Variants in ROBO2 observed in about 807,000 individuals in gnomAD.
ROBO2 encodes the protein roundabout guidance receptor 2.
In ROBO2, 53 loss-of-function variants were observed where a neutral mutation model predicts 160.8. That is an observed-to-expected ratio of 0.33 (90% CI 0.26 to 0.41). The LOEUF is 0.41. ROBO2 is among the 10% of genes least tolerant of loss of function. ROBO2 has a pLI of 1.00. For synonymous variants in ROBO2, 664 were observed against 611.7 expected (o/e 1.09, Z -1.26); for missense variants, 1,577 against 1,722.4 (o/e 0.92, Z 1.49).
intron 2 of ROBO2, among the ~76,000 whole-genome samples, chr3:77,311,958 T>C (rs2063578320): frequency 6.6e-6 from 1 of 152,020 alleles, no homozygotes; most frequent in Non-Finnish European, 1.5e-5. Flanking sequence ...TGACGGTGCA[T>C]ACCTGTAATC....
intron 2 of ROBO2, among the ~76,000 whole-genome samples, chr3:76,703,382 A>G (rs1180457005): frequency 6.6e-6 from 1 of 152,086 alleles, no homozygotes; most frequent in Non-Finnish European, 1.5e-5. Context: ...TTTGTTTAAT[A>G]TGCTTTAAAT....
At chr3:77,380,283 C>G (rs1436908627) in intron 2 of ROBO2, among the ~76,000 whole-genome samples, 1 of 152,188 alleles carries the variant, frequency 6.6e-6, no homozygotes, top group Non-Finnish European at 1.5e-5. Context: ...TAGCATGTCT[C>G]ATCTGTTCCT....
intron 2 of ROBO2, among the ~76,000 whole-genome samples, chr3:76,767,751 C>A (rs2061653690): frequency 6.6e-6 from 1 of 151,290 alleles, no homozygotes; most frequent in South Asian, 2.1e-4. Context: ...ATAGTGAGTA[C>A]AGGAGAAACA....
At position 76,934,326 on chromosome 3, in the gene ROBO2, T is replaced by C. The variant is rs74593814; in HGVS notation, c.110-163688T>C. Among the ~76,000 whole-genome samples, 1,303 of 152,296 alleles carry C rather than the reference T, an allele frequency of 8.6e-3. 26 individuals carry two copies. The highest frequency in any genetic ancestry group is 0.078 in the East Asian group (404 of 5,184). ...CGTGATGATTCTCCCTTACTGTTTA[T>C]GAAATGTTGGAATATCATAGTTTAC... On this transcript the variant is annotated intron_variant, in intron 2 of 26. Transcript: ENST00000487694.
intron 2 of ROBO2, among the ~76,000 whole-genome samples, chr3:77,200,267 T>TTTTATA (rs1560218166): frequency 4.3e-5 from 2 of 46,588 alleles, no homozygotes; most frequent in Non-Finnish European, 1.1e-4. Flanking sequence ...CTAACATATT[T>TTTTATA]TATATATATA....
At chr3:76,369,306 T>C (rs865976902) in intron 2 of ROBO2, among the ~76,000 whole-genome samples, 1 of 151,974 alleles carries the variant, frequency 6.6e-6, no homozygotes, top group Non-Finnish European at 1.5e-5. Context: ...CACAATCTCC[T>C]GGTTCCCCGG....
At position 76,879,696 on chromosome 3, in the gene ROBO2, TC is replaced by T. The variant is rs1486711950; in HGVS notation, c.110-218317del. Among the ~76,000 whole-genome samples the T allele has an allele frequency of 6.6e-5, 10 of 152,186 alleles. No homozygotes were observed. In the South Asian group the frequency reaches 1.7e-3, roughly 25 times the overall value. On this transcript the variant is annotated intron_variant, in intron 2 of 26. Coordinates refer to the ROBO2 transcript ENST00000487694. The stretch of plus-strand genomic sequence containing the variant: ...GTATCCAGAGTCATTAAACTGATGA[TC>T]ATATGATAATAATAATGAAACTAAT...
intron 2 of ROBO2, among the ~76,000 whole-genome samples, chr3:76,129,286 T>C (rs971001285): frequency 2.0e-5 from 3 of 152,150 alleles, no homozygotes; most frequent in African/African-American, 7.2e-5. Context: ...GTGAATGAGA[T>C]GACGTGCACT....
intron 1 of ROBO2, among the ~76,000 whole-genome samples, chr3:77,085,417 C>T (rs778044303): frequency 3.9e-5 from 6 of 152,030 alleles, no homozygotes; most frequent in African/African-American, 7.2e-5. Flanking sequence ...TTTTATGTCA[C>T]AAATCTTATC....
intron 2 of ROBO2, among the ~76,000 whole-genome samples, chr3:76,038,020 A>G (rs902171550): frequency 2.0e-5 from 3 of 152,062 alleles, no homozygotes; most frequent in African/African-American, 7.3e-5. Context: ...TCTGAAGGGT[A>G]CTGGGAAGAT....
At chr3:76,540,175 G>A (rs1453090885) in intron 2 of ROBO2, among the ~76,000 whole-genome samples, 2 of 152,128 alleles carry the variant, frequency 1.3e-5, no homozygotes, top group African/African-American at 4.8e-5. Context: ...GACCTTAAAG[G>A]AGGAGAAGAA....
At chr3:76,937,391 C>A (rs2077776679) in intron 2 of ROBO2, among the ~76,000 whole-genome samples, 1 of 151,920 alleles carries the variant, frequency 6.6e-6, no homozygotes, top group Non-Finnish European at 1.5e-5. Flanking sequence ...GGAATAATAT[C>A]AAGATGTATC....
chr3:77,462,619 C>T (rs747856208), intron 2 of ROBO2, among the ~76,000 whole-genome samples: 2 of 152,152 alleles, frequency 1.3e-5, no homozygotes, highest in Admixed American at 6.6e-5. Flanking sequence ...TGAAAACACT[C>T]CGTCAATATA....
intron 2 of ROBO2, among the ~76,000 whole-genome samples, chr3:76,891,715 A>T (rs553013874): frequency 1.3e-5 from 2 of 152,322 alleles, no homozygotes; most frequent in Non-Finnish European, 2.9e-5. Context: ...AATGGTCTGG[A>T]TCTTCACGAA....
chr3:76,831,679 T>C (rs2067108735), intron 2 of ROBO2, among the ~76,000 whole-genome samples: 1 of 152,230 alleles, frequency 6.6e-6, no homozygotes. Flanking sequence ...TCTTCTCATA[T>C]TGTTTCCCTA....
intron 2 of ROBO2, among the ~76,000 whole-genome samples, chr3:76,884,551 C>T (rs1388090343): frequency 6.6e-6 from 1 of 152,080 alleles, no homozygotes. Context: ...GGCAAGCGTC[C>T]CCTAGGACTC....
chr3:77,206,133 C>T (rs983726095), intron 2 of ROBO2, among the ~76,000 whole-genome samples: 3 of 151,968 alleles, frequency 2.0e-5, no homozygotes, highest in African/African-American at 7.3e-5. Context: ...TAACATGGTG[C>T]TCTTCCTGCA....
At chr3:77,605,178 AGT>A (rs2153694489) in intron 20 of ROBO2, among the ~76,000 whole-genome samples, 1 of 149,356 alleles carries the variant, frequency 6.7e-6, no homozygotes, top group African/African-American at 2.4e-5. Flanking sequence ...AAAAAAAAAA[AGT>A]ATATATATAG....
At chr3:76,691,549 A>G (rs1473889926) in intron 2 of ROBO2, among the ~76,000 whole-genome samples, 3 of 152,188 alleles carry the variant, frequency 2.0e-5, no homozygotes, top group African/African-American at 7.2e-5. Context: ...GAATGGAAGT[A>G]TGATAGAGCT....
Sources: allele counts gnomAD v4.1 joint callset (sites outside exome capture counted in the v4.1 genomes callset), GRCh38; gene constraint gnomAD v4.1.1; transcripts MANE v1.5; gene names NCBI Gene and HGNC (gene_info 2026-07-23, HGNC 2026-07-21).